GSTCD: variants seen among roughly 807,000 people sequenced by gnomAD.
The protein encoded by GSTCD is glutathione S-transferase C-terminal domain-containing protein.
GSTCD carries 44 observed loss-of-function variants against 68.3 expected under a neutral mutation model. That is an observed-to-expected ratio of 0.64 (90% CI 0.51 to 0.83). The LOEUF is 0.83. Ranked by LOEUF, GSTCD falls within the 40% of genes least tolerant of loss-of-function variation. The pLI, the probability that GSTCD is intolerant of heterozygous loss-of-function variation, is 0.00. For synonymous variants in GSTCD, 273 were observed against 255.2 expected (o/e 1.07, Z -0.67); for missense variants, 739 against 735.9 (o/e 1.00, Z -0.05).
intron 5 of GSTCD, among the ~76,000 whole-genome samples, chr4:105,770,643 T>G (rs1434247097): frequency 6.6e-6 from 1 of 152,144 alleles, no homozygotes; most frequent in Non-Finnish European, 1.5e-5. Context: ...TGTCCCTGTG[T>G]TAGTTTGCTG....
chr4:105,772,121 T>G (rs1352011252), intron 5 of GSTCD, among the ~76,000 whole-genome samples: 1 of 152,188 alleles, frequency 6.6e-6, no homozygotes, highest in Non-Finnish European at 1.5e-5. Flanking sequence ...TTTTATTCTC[T>G]TAGTAGCAAT....
At chr4:105,730,921 G>A (rs899031678) in intron 5 of GSTCD, among the ~76,000 whole-genome samples, 10 of 152,070 alleles carry the variant, frequency 6.6e-5, no homozygotes, top group Non-Finnish European at 1.2e-4. Flanking sequence ...TTTTTGTATG[G>A]GGTGTAAGGA....
At chr4:105,837,482 G>A (rs1724170995) in intron 9 of GSTCD, among the ~76,000 whole-genome samples, 3 of 152,098 alleles carry the variant, frequency 2.0e-5, no homozygotes, top group Admixed American at 2.0e-4. Flanking sequence ...CCCTCTTCTT[G>A]GGGAACTGTG....
At chr4:105,768,322 G>T (rs974665340) in intron 5 of GSTCD, among the ~76,000 whole-genome samples, 1 of 152,066 alleles carries the variant, frequency 6.6e-6, no homozygotes, top group Non-Finnish European at 1.5e-5. Flanking sequence ...AAGTCATCGC[G>T]CCCGGCCAAT....
chr4:105,758,469 G>A (rs755580129), intron 5 of GSTCD, among the ~76,000 whole-genome samples: 56 of 152,064 alleles, frequency 3.7e-4, no homozygotes, highest in African/African-American at 1.3e-3. Flanking sequence ...CACCTCTCCC[G>A]TCACTCGCTC....
At chr4:105,795,701 C>T (rs947101850) in intron 5 of GSTCD, among the ~76,000 whole-genome samples, 2 of 152,090 alleles carry the variant, frequency 1.3e-5, no homozygotes, top group Non-Finnish European at 2.9e-5. Context: ...AGGTTGATCC[C>T]TTCTCAGCTC....
intron 5 of GSTCD, among the ~76,000 whole-genome samples, chr4:105,743,513 A>AT (rs1733704108): frequency 6.6e-6 from 1 of 151,978 alleles, no homozygotes; most frequent in Non-Finnish European, 1.5e-5. Context: ...AATAATTGAG[A>AT]TTTTTTAGTT....
chr4:105,800,576 G>A (rs1485888599), intron 5 of GSTCD, among the ~76,000 whole-genome samples: 1 of 152,162 alleles, frequency 6.6e-6, no homozygotes, highest in Non-Finnish European at 1.5e-5. Context: ...AAAGCAAAAT[G>A]ATGGATTTTA....
chr4:105,749,400 A>T (rs1023597562), intron 5 of GSTCD, among the ~76,000 whole-genome samples: 9 of 152,034 alleles, frequency 5.9e-5, no homozygotes, highest in East Asian at 1.9e-4. Flanking sequence ...TGGAAAAAAA[A>T]ATTTGAAAAA....
At chr4:105,772,571 T>C (rs890883922) in intron 5 of GSTCD, among the ~76,000 whole-genome samples, 1 of 152,220 alleles carries the variant, frequency 6.6e-6, no homozygotes, top group Non-Finnish European at 1.5e-5. Flanking sequence ...CATGAAGTGG[T>C]GTGGAATTTT....
intron 5 of GSTCD, among the ~76,000 whole-genome samples, chr4:105,755,161 T>G (rs1225674204): frequency 6.7e-6 from 1 of 149,760 alleles, no homozygotes; most frequent in East Asian, 2.0e-4. Context: ...GCAGAAGGAT[T>G]GCTTGAGCCT....
chr4:105,768,623 G>T (rs1167716866), intron 5 of GSTCD, among the ~76,000 whole-genome samples: 7 of 151,852 alleles, frequency 4.6e-5, no homozygotes, highest in Non-Finnish European at 1.0e-4. Flanking sequence ...TCCTTCCTTT[G>T]AAATCATTAG....
At position 105,752,171 on chromosome 4, in the gene GSTCD, G is replaced by T. The variant is rs2112049; in HGVS notation, c.1240+22672G>T. Among the ~76,000 whole-genome samples the T allele has an allele frequency of 8.6e-3, 1,302 of 152,208 alleles. 17 individuals carry two copies. The highest frequency in any genetic ancestry group is 0.029 in the African/African-American group (1,204 of 41,546). ...CTCTCTCTTTTTCTGTTTGTGAGCC[G>T]TGAAACCAGATTGTCTTCTTAGGAA... On this transcript the variant is annotated intron_variant, in intron 5 of 11. Transcript: ENST00000515279.
intron 5 of GSTCD, among the ~76,000 whole-genome samples, chr4:105,752,565 G>A (rs1054512813): frequency 2.0e-5 from 3 of 151,860 alleles, no homozygotes; most frequent in African/African-American, 7.2e-5. Flanking sequence ...TCATATGTAG[G>A]GTATAAAAAT....
At chr4:105,797,512 G>A (rs746700210) in intron 5 of GSTCD, among the ~76,000 whole-genome samples, 3 of 150,800 alleles carry the variant, frequency 2.0e-5, no homozygotes, top group Non-Finnish European at 4.4e-5. Context: ...GTACTTTATT[G>A]CTAAAAAAAA....
intron 10 of GSTCD, 23 bp from the exon 11 acceptor site, chr4:105,842,042 C>G: frequency 1.3e-6 from 2 of 1,591,520 alleles, no homozygotes; most frequent in South Asian, 2.2e-5. Flanking sequence ...AATAAACCCA[C>G]ATTCTATTGC....
At chr4:105,808,825 G>A (rs902258633) in intron 5 of GSTCD, among the ~76,000 whole-genome samples, 2 of 152,068 alleles carry the variant, frequency 1.3e-5, no homozygotes, top group Non-Finnish European at 2.9e-5. Flanking sequence ...ACTGCGTTCT[G>A]CCTGGGACAT....
At chr4:105,837,043 A>G (rs1724149262) in intron 9 of GSTCD, among the ~76,000 whole-genome samples, 1 of 152,210 alleles carries the variant, frequency 6.6e-6, no homozygotes, top group Admixed American at 6.5e-5. Context: ...AATTGAATGT[A>G]TGTTTATCTT....
At chr4:105,733,495 G>A (rs1733332443) in intron 5 of GSTCD, among the ~76,000 whole-genome samples, 1 of 152,162 alleles carries the variant, frequency 6.6e-6, no homozygotes, top group Non-Finnish European at 1.5e-5. Context: ...TTTTAACAGA[G>A]ACTAGGATTG....
Sources: gnomAD v4.1 joint callset for allele counts (sites outside exome capture counted in the v4.1 genomes callset) on GRCh38, gnomAD v4.1.1 for gene constraint, MANE v1.5 for transcripts, NCBI Gene and HGNC (gene_info 2026-07-23, HGNC 2026-07-21) for gene names.